URB1: variants seen among roughly 807,000 people sequenced by gnomAD.
URB1 encodes URB1 ribosome biogenesis factor.
A neutral mutation model predicts 242.3 loss-of-function variants in URB1; 197 were observed. That is an observed-to-expected ratio of 0.81 (90% confidence interval 0.72 to 0.91). The LOEUF is 0.91. Ranked by LOEUF, URB1 falls within the 40% of genes least tolerant of loss-of-function variation. The pLI is 0.00. For synonymous variants in URB1, 1,153 were observed against 1,201.8 expected (o/e 0.96, Z 0.84); for missense variants, 2,721 against 2,860.5 (o/e 0.95, Z 1.11).
rs202051369 is a variant in URB1 at position 32,314,575 on chromosome 21, G to A, written c.*343C>T. 25 of 1,614,070 alleles carry A rather than the reference G, an allele frequency of 1.5e-5. No individual in the cohort carries two copies. The Middle Eastern group carries it at 4.9e-4, about 32-fold the overall frequency. On this transcript the variant is annotated 3_prime_UTR_variant, in exon 39 of 39. Coordinates refer to ENST00000382751, the MANE Select transcript of URB1 (RefSeq NM_014825.3). ...GCTTTAACACAGATGAATCTCTTCTGCATTCAGAAGTGCTGCCTCAAACTC... is the reference window on the plus strand; with the variant it reads ...GCTTTAACACAGATGAATCTCTTCTACATTCAGAAGTGCTGCCTCAAACTC...
At position 32,373,755 on chromosome 21, in the gene URB1, A is replaced by AT; in HGVS notation, c.767dup (p.Asn256LysfsTer54). 1 of 1,542,402 alleles carries AT rather than the reference A, an allele frequency of 6.5e-7. No individual in the cohort carries two copies. Reference sequence around the variant, plus strand: ...AACGCACCTTCTGGGTTTTTGTGATATTTTTATTGTGAACTACCTGAAACA... The same window carrying AT: ...AACGCACCTTCTGGGTTTTTGTGATATTTTTTATTGTGAACTACCTGAAACA... On this transcript the variant is annotated frameshift_variant, in exon 7 of 39. Coordinates refer to ENST00000382751, the MANE Select transcript of URB1 (RefSeq NM_014825.3). LOFTEE classifies it high-confidence loss of function.
In URB1 at chr21:32,312,333, T is replaced by C. The variant is rs775728860; in HGVS notation, c.*2585A>G. 11 of 1,239,080 alleles carry C rather than the reference T, an allele frequency of 8.9e-6. No homozygotes were observed. The highest frequency in any genetic ancestry group is 1.1e-5 in the Non-Finnish European group (11 of 975,716). 76.8% of individuals were successfully genotyped at this position (1,239,080 alleles called of 1,614,324 possible). Reference sequence around the variant, plus strand: ...CTTTACTATGCCACTTTACCATTACTGTGTAATGCGTTATCAGCCCTGAGT... The same window carrying C: ...CTTTACTATGCCACTTTACCATTACCGTGTAATGCGTTATCAGCCCTGAGT... On this transcript the variant is annotated 3_prime_UTR_variant, in exon 39 of 39. Transcript: ENST00000382751.
chr21:32,336,803 C>A (rs748671322), intron 28 of URB1, among the ~76,000 whole-genome samples: 13 of 152,202 alleles, frequency 8.5e-5, no homozygotes, highest in Non-Finnish European at 1.8e-4. Context: ...TCAGAAAAAT[C>A]AACCAAATGA....
At chr21:32,357,023 A>G (rs537005852) in intron 15 of URB1, among the ~76,000 whole-genome samples, 6 of 152,332 alleles carry the variant, frequency 3.9e-5, no homozygotes, top group South Asian at 4.1e-4. Flanking sequence ...TGCATCCCCC[A>G]AGCTGTTTGT....
intron 1 of URB1, among the ~76,000 whole-genome samples, chr21:32,386,626 C>T (rs1412372242): frequency 2.0e-5 from 3 of 152,190 alleles, no homozygotes; most frequent in Admixed American, 1.3e-4. Context: ...CTGGCAATGA[C>T]TCGTCTGGAT....
chr21:32,334,379 G>T, intron 28 of URB1, 45 bp from the exon 29 acceptor site: 1 of 1,506,954 alleles, frequency 6.6e-7, no homozygotes. Context: ...GAGCCCCCCG[G>T]GAACAGAATT....
At chr21:32,332,139 T>C (rs7509869) in intron 30 of URB1, among the ~76,000 whole-genome samples, 128,975 of 152,162 alleles carry the variant, frequency 0.85, 55,021 homozygotes, top group Admixed American at 0.9. Context: ...AATCCAGACC[T>C]GGACATCACA....
intron 8 of URB1, among the ~76,000 whole-genome samples, chr21:32,371,651 G>C (rs1601152102): frequency 6.6e-6 from 1 of 152,266 alleles, no homozygotes; most frequent in East Asian, 1.9e-4. Flanking sequence ...GAAATTAGAA[G>C]TAAATCAAAC....
At chr21:32,324,346 GC>G in intron 32 of URB1, 144 bp downstream of exon 32, 1 of 671,066 alleles carries the variant, frequency 1.5e-6, no homozygotes, top group Non-Finnish European at 2.6e-6. Context: ...GACTTCGGTG[GC>G]TCCTCATCTT....
At position 32,349,467 on chromosome 21, in the gene URB1, C is replaced by T. The variant is rs779488512; in HGVS notation, c.2849G>A (p.Gly950Asp). 1.4e-5 allele frequency: 21 copies of T among 1,549,398 alleles called. No homozygotes were observed. In the South Asian group the frequency reaches 2.3e-4, roughly 17 times the overall value. The change falls in exon 21 of 39, where the codon GGC becomes GAC. Residue 950 changes from glycine to aspartate, a missense_variant. Physicochemically the swap from Gly to Asp is moderately conservative, Grantham distance 94. Transcript: ENST00000382751. ...ENFGQLGRSV[G>D]PPLLQLFLDL... ...CAGGAAGAGCTGCAGGAGGGGCGGG[C>T]CCACACTTCTGCCCAGCTGTGAGGA...
Position 32,372,571 on chromosome 21 carries a change from C to A in URB1, c.937G>T (p.Asp313Tyr). 6.4e-7 allele frequency: 1 copy of A among 1,551,620 alleles called. No homozygotes were observed. The highest frequency in any genetic ancestry group is 8.7e-7 in the Non-Finnish European group (1 of 1,146,978). ...VRELVHNFLM[D>Y]LCCSLKHGIN... is the part of the protein sequence containing the mutation. ...CCATGCTTGAGTGAACAGCAAAGAT[C>A]CATCAGGAAGTTATGAACAAGCTCC... Residue 313 changes from aspartate (D) to tyrosine (Y), a missense_variant, in exon 8 of 39, where the codon GAT becomes TAT. Coordinates refer to ENST00000382751, the MANE Select transcript of URB1 (RefSeq NM_014825.3).
At chr21:32,319,612 C>T (rs2032740699) in intron 35 of URB1, among the ~76,000 whole-genome samples, 198 bp from the exon 36 acceptor site, 1 of 152,240 alleles carries the variant, frequency 6.6e-6, no homozygotes. Context: ...CCCTAAGTCC[C>T]TCCAAAAATT....
rs1233200086 is a variant in URB1 at position 32,321,875 on chromosome 21, GTTCGTAGCACTGCTTGTCACGGA to G, written c.5387_5409del (p.Ile1796ThrfsTer21). The G allele has an allele frequency of 2.6e-6, 4 of 1,551,632 alleles. No individual in the cohort carries two copies. Among genetic ancestry groups the G allele is most frequent in the African/African-American group, 1.4e-5 (1 of 73,064 alleles). On this transcript the variant is annotated frameshift_variant, in exon 34 of 39. Transcript: ENST00000382751. LOFTEE classifies it high-confidence loss of function. ...TGGAAGATGCCACGCCGGGCACACA[GTTCGTAGCACTGCTTGTCACGGA>G]TCCCCTGCCGCAGAACGCCAAACAC... is the stretch of plus-strand genomic sequence containing the variant.
intron 10 of URB1, among the ~76,000 whole-genome samples, chr21:32,365,013 C>T (rs891379704): frequency 6.6e-6 from 1 of 152,356 alleles, no homozygotes; most frequent in South Asian, 2.1e-4. Context: ...GGAGCCACTC[C>T]GTGCAGGAGC....
At position 32,368,419 on chromosome 21, in the gene URB1, ATATTATTTAACCAAG is replaced by A. The variant is rs2033369954; in HGVS notation, c.1166_1180del (p.Thr389_Asn393del). ...TTTTTTTACCTTGTTTAGTAGTTTGATATTATTTAACCAAGTAGACTTCGCTCGTGGGATAAAGGA... is the reference window on the plus strand; with the variant it reads ...TTTTTTTACCTTGTTTAGTAGTTTGATAGACTTCGCTCGTGGGATAAAGGA... On this transcript the variant is annotated inframe_deletion, in exon 9 of 39. Transcript: ENST00000382751. 1 of 1,545,350 alleles carries A rather than the reference ATATTATTTAACCAAG, an allele frequency of 6.5e-7. No individual in the cohort carries two copies. The highest frequency in any genetic ancestry group is 1.4e-5 in the African/African-American group (1 of 72,714).
chr21:32,340,240 A>G (rs921008398), intron 25 of URB1, among the ~76,000 whole-genome samples: 1 of 152,164 alleles, frequency 6.6e-6, no homozygotes, highest in Non-Finnish European at 1.5e-5. Flanking sequence ...GATTGCCCCA[A>G]ACTGAAGAGC....
rs769555747 is a variant in URB1, at chr21:32,338,780, G to A, written c.4437C>T (p.Leu1479=). Residue 1479 remains leucine, a synonymous_variant, in exon 26 of 39, where the codon CTC becomes CTT. Coordinates refer to ENST00000382751, the MANE Select transcript of URB1 (RefSeq NM_014825.3). The stretch of plus-strand genomic sequence containing the variant: ...TCGGCAGAAACAGCGAGTGCTGCAT[G>A]AGCATCACGTAGACCACCGGGAGCT... ...LIQLPVVYVM[L]MQHSLFLPTL... is the part of the protein sequence containing the mutation. 2.6e-6 allele frequency: 4 copies of A among 1,551,634 alleles called. No homozygotes were observed. The highest frequency in any genetic ancestry group is 3.5e-6 in the Non-Finnish European group (4 of 1,146,994).
At chr21:32,357,022 C>CA (rs1202732151) in intron 15 of URB1, among the ~76,000 whole-genome samples, 1 of 152,216 alleles carries the variant, frequency 6.6e-6, no homozygotes, top group African/African-American at 2.4e-5. Flanking sequence ...GTGCATCCCC[C>CA]AAGCTGTTTG....
chr21:32,363,357 CAT>C lies in URB1; in HGVS notation c.1336-30_1336-29del, dbSNP rs143177883. On this transcript the variant is annotated intron_variant, in intron 10 of 38. Coordinates refer to ENST00000382751, the MANE Select transcript of URB1 (RefSeq NM_014825.3). Reference sequence around the variant, plus strand: ...GGGAAGAAAAAGAGTTAAATGCACACATGTCTCTAGGATACACAGATTTGCTA... The same window carrying C: ...GGGAAGAAAAAGAGTTAAATGCACACGTCTCTAGGATACACAGATTTGCTA... 1,281 of 1,546,154 alleles carry C rather than the reference CAT, an allele frequency of 8.3e-4. 2 individuals are homozygous for C. Among genetic ancestry groups the C allele is most frequent in the Non-Finnish European group, 9.8e-4 (1,126 of 1,145,768 alleles).
Sources: allele counts gnomAD v4.1 joint callset (sites outside exome capture counted in the v4.1 genomes callset), GRCh38; gene constraint gnomAD v4.1.1; transcripts MANE v1.5; gene names NCBI Gene and HGNC (gene_info 2026-07-23, HGNC 2026-07-21).